Variants in SHISA9 observed in about 807,000 individuals in gnomAD.
SHISA9 encodes the protein shisa family member 9, also known as protein shisa-9.
In SHISA9, 13 loss-of-function variants were observed where a neutral mutation model predicts 38.0. That is an observed-to-expected ratio of 0.34 (90% CI 0.22 to 0.54). SHISA9 has a LOEUF of 0.54. SHISA9 is among the 20% of genes least tolerant of loss of function. The probability of loss-of-function intolerance (pLI) is 0.91; values close to 1 mark genes in which losing one functional copy is unlikely to be tolerated. For synonymous variants in SHISA9, 275 were observed against 242.0 expected, an observed-to-expected ratio of 1.14 and a Z score of -1.27; for missense variants, 538 against 575.8, an observed-to-expected ratio of 0.93 and a Z score of 0.67.
chr16:13,033,095 GAA>G (rs2073011324), intron 2 of SHISA9, among the ~76,000 whole-genome samples: 1 of 152,170 alleles, frequency 6.6e-6, no homozygotes, highest in Non-Finnish European at 1.5e-5. Flanking sequence ...AAGTCTAGTA[GAA>G]AAGATAGGGT....
chr16:13,200,409 A>AACACACACACACACACACACACACAC (rs148088145), intron 2 of SHISA9, among the ~76,000 whole-genome samples: 3 of 136,522 alleles, frequency 2.2e-5, no homozygotes, highest in African/African-American at 8.9e-5. Flanking sequence ...TATATCATGA[A>AACACACACACACACACACACACACAC]ACACACACAC....
chr16:13,242,032 G>A (rs537433694), downstream of SHISA9, among the ~76,000 whole-genome samples: 30 of 152,286 alleles, frequency 2.0e-4, 1 homozygote, highest in South Asian at 6.0e-3. Flanking sequence ...ATCATAGCAA[G>A]CTTATTTGCA....
chr16:13,277,154 C>A, the SHISA9 span, among the ~76,000 whole-genome samples: 1 of 152,072 alleles, frequency 6.6e-6, no homozygotes, highest in East Asian at 1.9e-4. Context: ...TATCCCAGCA[C>A]CATTTGTTGA....
chr16:13,303,007 C>A, the SHISA9 span, among the ~76,000 whole-genome samples: 1 of 152,182 alleles, frequency 6.6e-6, no homozygotes, highest in Non-Finnish European at 1.5e-5. Context: ...GTCAGTTAAA[C>A]CTCTTCCTTT....
chr16:13,541,940 T>C, the SHISA9 span, among the ~76,000 whole-genome samples: 2,309 of 152,336 alleles, frequency 0.015, 58 homozygotes, highest in African/African-American at 0.053. Flanking sequence ...GACCTCAGAA[T>C]GTGTCCTTAT....
At chr16:13,203,036 T>C (rs2051021240) in intron 2 of SHISA9, among the ~76,000 whole-genome samples, 1 of 152,236 alleles carries the variant, frequency 6.6e-6, no homozygotes, top group South Asian at 2.1e-4. Context: ...TGGCTTCTCA[T>C]TGTTCTTCTG....
the SHISA9 span, among the ~76,000 whole-genome samples, chr16:13,411,591 C>T: frequency 6.6e-6 from 1 of 152,216 alleles, no homozygotes; most frequent in African/African-American, 2.4e-5. Context: ...GTTGCTCTGC[C>T]ATCCTGAGCC....
chr16:13,187,328 C>CTTTTCTTTTCTTTTCT (rs1450024008), intron 2 of SHISA9, among the ~76,000 whole-genome samples: 4 of 90,718 alleles, frequency 4.4e-5, no homozygotes, highest in African/African-American at 1.5e-4. Flanking sequence ...CTTTTCTTTT[C>CTTTTCTTTTCTTTTCT]TTTTTTTTTT....
the SHISA9 span, among the ~76,000 whole-genome samples, chr16:13,404,799 A>G: frequency 6.6e-6 from 1 of 152,220 alleles, no homozygotes; most frequent in African/African-American, 2.4e-5. Context: ...ATAAGTAACT[A>G]GTTAGAAATG....
At chr16:13,020,484 G>A (rs968027074) in intron 2 of SHISA9, among the ~76,000 whole-genome samples, 1 of 152,128 alleles carries the variant, frequency 6.6e-6, no homozygotes, top group African/African-American at 2.4e-5. Flanking sequence ...TCCTGTGTTA[G>A]TTTGCTAAAG....
intron 2 of SHISA9, among the ~76,000 whole-genome samples, chr16:13,093,898 G>C (rs1225473716): frequency 6.6e-6 from 1 of 152,114 alleles, no homozygotes; most frequent in African/African-American, 2.4e-5. Context: ...GGCACCATAG[G>C]ATTTAAATAG....
chr16:13,272,792 C>T, the SHISA9 span, among the ~76,000 whole-genome samples: 2 of 152,126 alleles, frequency 1.3e-5, no homozygotes, highest in Non-Finnish European at 2.9e-5. Context: ...TCGGGAAAAA[C>T]CTGTTATCTT....
the SHISA9 span, among the ~76,000 whole-genome samples, chr16:13,260,007 C>CTTTCTTTTTTTTTTTT: frequency 2.2e-4 from 13 of 60,420 alleles, no homozygotes; most frequent in Non-Finnish European, 3.2e-4. Flanking sequence ...TTCTTTCTTT[C>CTTTCTTTTTTTTTTTT]TTTTTTTTTT....
the SHISA9 span, among the ~76,000 whole-genome samples, chr16:13,310,184 G>C: frequency 2.0e-5 from 3 of 152,126 alleles, no homozygotes; most frequent in African/African-American, 4.8e-5. Flanking sequence ...CACTGCTCCC[G>C]GCCTGTTCTG....
chr16:13,297,535 G>A, the SHISA9 span, among the ~76,000 whole-genome samples: 1 of 152,188 alleles, frequency 6.6e-6, no homozygotes, highest in African/African-American at 2.4e-5. Context: ...CCTGAGTGAT[G>A]TGAGAAAACA....
the SHISA9 span, among the ~76,000 whole-genome samples, chr16:13,256,523 G>A: frequency 6.6e-6 from 1 of 152,048 alleles, no homozygotes; most frequent in African/African-American, 2.4e-5. Flanking sequence ...CAGGTGATCC[G>A]CCCACCTCGG....
intron 2 of SHISA9, among the ~76,000 whole-genome samples, chr16:13,168,245 A>G (rs2050655040): frequency 2.0e-5 from 3 of 152,220 alleles, no homozygotes; most frequent in Non-Finnish European, 4.4e-5. Context: ...AGTGATTAAG[A>G]TTTAGCTCAG....
At chr16:13,053,555 G>T (rs1184079218) in intron 2 of SHISA9, among the ~76,000 whole-genome samples, 4 of 152,114 alleles carry the variant, frequency 2.6e-5, no homozygotes, top group Non-Finnish European at 5.9e-5. Context: ...CCATCCACAT[G>T]GATTAAAATC....
intron 2 of SHISA9, among the ~76,000 whole-genome samples, chr16:13,137,268 A>G (rs543959115): frequency 6.6e-6 from 1 of 152,242 alleles, no homozygotes; most frequent in African/African-American, 2.4e-5. Context: ...GGATCCTAAT[A>G]CGGCAGTAGT....
Sources: allele counts gnomAD v4.1 joint callset (sites outside exome capture counted in the v4.1 genomes callset), GRCh38; gene constraint gnomAD v4.1.1; transcripts MANE v1.5; gene names NCBI Gene and HGNC (gene_info 2026-07-23, HGNC 2026-07-21).